GRIN2B: variants seen among roughly 807,000 people sequenced by gnomAD.
GRIN2B encodes glutamate ionotropic receptor NMDA type subunit 2B.
GRIN2B carries 5 observed loss-of-function variants against 114.5 expected under a neutral mutation model. That is an observed-to-expected ratio of 0.04 (90% CI 0.02 to 0.09). The LOEUF is 0.09. GRIN2B is among the 10% of genes least tolerant of loss of function. The pLI is 1.00. For missense variants in GRIN2B, 1,108 were observed against 1,943.5 expected (o/e 0.57, Z 8.08); for synonymous variants, 787 against 745.1 (o/e 1.06, Z -0.92).
rs1450587190 is a variant in GRIN2B, at chr12:13,563,365, C to T, written c.3873G>A (p.Gln1291=). The T allele has an allele frequency of 1.2e-6, 2 of 1,614,100 alleles. No homozygotes were observed. Among genetic ancestry groups the T allele is most frequent in the East Asian group, 4.5e-5 (2 of 44,886 alleles). Residue 1291 remains glutamine (Q), a synonymous_variant, in exon 14 of 14, where the codon CAG becomes CAA. Coordinates refer to ENST00000609686, the MANE Select transcript of GRIN2B (RefSeq NM_000834.5). ...YPQSPTNSKA[Q]KKNRNKLRRQ... ...GGCGCAGTTTGTTCCGGTTCTTCTTCTGGGCCTTGGAATTAGTCGGGCTCT... is the reference window on the plus strand; with the variant it reads ...GGCGCAGTTTGTTCCGGTTCTTCTTTTGGGCCTTGGAATTAGTCGGGCTCT...
chr12:13,571,744 A>G (rs1238407889), intron 11 of GRIN2B, 60 bp downstream of exon 11: 59 of 1,551,922 alleles, frequency 3.8e-5, no homozygotes, highest in Non-Finnish European at 5.2e-5. Context: ...GTGATTCAAT[A>G]GTATGCTTAA....
At chr12:13,677,322 T>C (rs1051054009) in intron 4 of GRIN2B, among the ~76,000 whole-genome samples, 1 of 152,192 alleles carries the variant, frequency 6.6e-6, no homozygotes, top group Non-Finnish European at 1.5e-5. Context: ...GAGGTCTTCT[T>C]TGATTCTTCC....
chr12:13,649,529 C>T (rs1217799173), intron 5 of GRIN2B, among the ~76,000 whole-genome samples: 1 of 152,034 alleles, frequency 6.6e-6, no homozygotes, highest in African/African-American at 2.4e-5. Flanking sequence ...TTAGAGCCTA[C>T]ATTTTTTAAT....
intron 3 of GRIN2B, among the ~76,000 whole-genome samples, chr12:13,834,265 C>T (rs553902044): frequency 6.7e-6 from 1 of 148,788 alleles, no homozygotes; most frequent in Admixed American, 6.8e-5. Context: ...TCTGGATCTC[C>T]TGACCTCGTG....
intron 3 of GRIN2B, among the ~76,000 whole-genome samples, chr12:13,787,506 G>A (rs1864241223): frequency 6.6e-6 from 1 of 152,158 alleles, no homozygotes; most frequent in South Asian, 2.1e-4. Flanking sequence ...TAGCACTTCT[G>A]CAAAAGGGCA....
At chr12:13,750,972 C>A (rs1863475142) in intron 4 of GRIN2B, among the ~76,000 whole-genome samples, 1 of 152,140 alleles carries the variant, frequency 6.6e-6, no homozygotes, top group South Asian at 2.1e-4. Context: ...TCAGGAAAGA[C>A]TTCCCAGCAG....
chr12:13,789,168 C>T (rs1222971844), intron 3 of GRIN2B, among the ~76,000 whole-genome samples: 5 of 152,098 alleles, frequency 3.3e-5, no homozygotes, highest in Non-Finnish European at 5.9e-5. Flanking sequence ...ACTTGCATGT[C>T]AGAGGTTATA....
rs1403379864 is a variant in GRIN2B, at chr12:13,549,989, A to C, written c.*12794T>G. 1.3e-5 allele frequency: 2 copies of C among 152,180 alleles called. No homozygotes were observed. The highest frequency in any genetic ancestry group is 1.3e-4 in the Admixed American group (2 of 15,274). 9.4% of individuals were successfully genotyped at this position (152,180 alleles called of 1,614,324 possible). ...AGTGGGGGCAGACAATTCAGGCAGCATTACTCGCTGAGCTAGACTGAGAGT... is the reference window on the plus strand; with the variant it reads ...AGTGGGGGCAGACAATTCAGGCAGCCTTACTCGCTGAGCTAGACTGAGAGT... On this transcript the variant is annotated 3_prime_UTR_variant, in exon 14 of 14. Transcript: ENST00000609686.
At chr12:13,945,269 A>G (rs1170353473) in intron 2 of GRIN2B, among the ~76,000 whole-genome samples, 1 of 152,190 alleles carries the variant, frequency 6.6e-6, no homozygotes, top group Non-Finnish European at 1.5e-5. Flanking sequence ...TGAAGGTATC[A>G]TTGTTATGAC....
At chr12:13,822,704 C>G (rs1747372268) in intron 3 of GRIN2B, among the ~76,000 whole-genome samples, 3 of 152,216 alleles carry the variant, frequency 2.0e-5, no homozygotes, top group Middle Eastern at 3.4e-3. Context: ...GGTTAAGCAA[C>G]AAACATTTAG....
At chr12:13,908,975 G>A (rs941714171) in intron 2 of GRIN2B, among the ~76,000 whole-genome samples, 1 of 152,188 alleles carries the variant, frequency 6.6e-6, no homozygotes, top group African/African-American at 2.4e-5. Flanking sequence ...GGAGTGACCC[G>A]AAGAAGGAGT....
chr12:13,904,594 A>G (rs946865072), intron 2 of GRIN2B, among the ~76,000 whole-genome samples: 2 of 152,032 alleles, frequency 1.3e-5, no homozygotes, highest in African/African-American at 4.8e-5. Flanking sequence ...CATCTCAGAC[A>G]TTTCATCTTG....
At chr12:13,963,007 C>T (rs1867724384) in intron 2 of GRIN2B, among the ~76,000 whole-genome samples, 1 of 152,198 alleles carries the variant, frequency 6.6e-6, no homozygotes, top group African/African-American at 2.4e-5. Flanking sequence ...CTGTTTTTCT[C>T]ATCCTTCCTC....
chr12:13,547,223 G>A lies in GRIN2B; in HGVS notation c.*15560C>T, dbSNP rs542905468. 1 of 152,268 alleles carries A rather than the reference G, an allele frequency of 6.6e-6. No individual in the cohort carries two copies. Among genetic ancestry groups the A allele is most frequent in the African/African-American group, 2.4e-5 (1 of 41,558 alleles). The allele number at this position is 152,268 out of a possible 1,614,324, so 9.4% of individuals were successfully genotyped here. ...GCCAGGAGGCTGGGAGGTGAGGAAG[G>A]GTTTCCAAGTAAGGAGCTTGGAAGG... On this transcript the variant is annotated 3_prime_UTR_variant, in exon 14 of 14. Transcript: ENST00000609686.
intron 5 of GRIN2B, among the ~76,000 whole-genome samples, chr12:13,665,670 A>G (rs967107145): frequency 6.6e-6 from 1 of 152,162 alleles, no homozygotes; most frequent in African/African-American, 2.4e-5. Context: ...GTATTTCTCA[A>G]CATTTTAATA....
intron 4 of GRIN2B, among the ~76,000 whole-genome samples, chr12:13,677,707 T>C (rs1950088508): frequency 1.3e-5 from 2 of 152,092 alleles, no homozygotes; most frequent in African/African-American, 4.8e-5. Context: ...GGCATCTCGG[T>C]GTTGGCTACT....
chr12:13,837,400 T>A (rs184735616), intron 3 of GRIN2B, among the ~76,000 whole-genome samples: 9 of 152,242 alleles, frequency 5.9e-5, no homozygotes, highest in Non-Finnish European at 1.2e-4. Context: ...CCTCACAGGA[T>A]TGTTGGGAGG....
chr12:13,899,317 T>C (rs1007860097), intron 2 of GRIN2B, among the ~76,000 whole-genome samples: 24 of 150,484 alleles, frequency 1.6e-4, no homozygotes, highest in Non-Finnish European at 3.1e-4. Flanking sequence ...AAACAGCCCT[T>C]AAAGAAAAAA....
At chr12:13,695,695 A>G (rs1950253673) in intron 4 of GRIN2B, among the ~76,000 whole-genome samples, 4 of 152,226 alleles carry the variant, frequency 2.6e-5, no homozygotes, top group Admixed American at 6.5e-5. Flanking sequence ...ATTCCTATAA[A>G]TAAGTACCCA....
Sources: allele counts gnomAD v4.1 joint callset (sites outside exome capture counted in the v4.1 genomes callset), GRCh38; gene constraint gnomAD v4.1.1; transcripts MANE v1.5; gene names NCBI Gene and HGNC (gene_info 2026-07-23, HGNC 2026-07-21).